The following SLC9A2 variants were observed in gnomAD, a reference collection of about 807,000 sequenced individuals.
The protein encoded by SLC9A2 is sodium/hydrogen exchanger 2.
A neutral mutation model predicts 71.7 loss-of-function variants in SLC9A2; 42 were observed. That is an observed-to-expected ratio of 0.59 (90% CI 0.46 to 0.76). The LOEUF (loss-of-function observed/expected upper bound fraction) is 0.76. Ranked by LOEUF, SLC9A2 falls within the 30% of genes least tolerant of loss-of-function variation. The pLI, the probability that SLC9A2 is intolerant of heterozygous loss-of-function variation, is 0.00. For missense variants in SLC9A2, 829 were observed against 1,017.4 expected, an observed-to-expected ratio of 0.81 and a Z score of 2.52; for synonymous variants, 396 against 392.5, an observed-to-expected ratio of 1.01 and a Z score of -0.10.
At chr2:102,620,809 C>T (rs193273595) in intron 1 of SLC9A2, among the ~76,000 whole-genome samples, 2 of 152,216 alleles carry the variant, frequency 1.3e-5, no homozygotes, top group African/African-American at 2.4e-5. Context: ...GAGGCCCAGA[C>T]GTGAGGATCC....
intron 2 of SLC9A2, among the ~76,000 whole-genome samples, chr2:102,664,234 A>G (rs1186666571): frequency 4.0e-5 from 6 of 151,206 alleles, no homozygotes; most frequent in African/African-American, 1.5e-4. Context: ...TGAGATCAAG[A>G]TCACGCCACT....
Position 102,619,821 on chromosome 2 carries a change from G to T in SLC9A2, c.-28G>T. ...TGAGCGCTCGGAGGGCCAACCGCCG[G>T]TCCCCTTGGCGGCAACCGGCGGCAC... On this transcript the variant is annotated 5_prime_UTR_variant, in exon 1 of 12. Transcript: ENST00000233969. The surrounding 1 kb of genome is among the most constrained non-coding windows in gnomAD (Gnocchi z 4.3). 1 of 1,465,470 alleles carries T rather than the reference G, an allele frequency of 6.8e-7. No homozygotes were observed. Among genetic ancestry groups the T allele is most frequent in the Non-Finnish European group, 9.0e-7 (1 of 1,111,002 alleles). 90.8% of individuals were successfully genotyped at this position (1,465,470 alleles called of 1,614,324 possible). A position where few individuals can be genotyped will look rare whatever the true frequency, so the allele number is the denominator to read the frequency against.
In SLC9A2 at chr2:102,704,502, T is replaced by C. The variant is rs751093089; in HGVS notation, c.1846-42T>C. On this transcript the variant is annotated intron_variant, in intron 9 of 11. Transcript: ENST00000233969. ...ATTTCTGGGGGAAATGATCAGGTTT[T>C]TGTTTTTGTTTTTTAATGTCCTCTA... is the stretch of plus-strand genomic sequence containing the variant. 4.4e-6 allele frequency: 7 copies of C among 1,587,424 alleles called. No individual in the cohort carries two copies. In the South Asian group the frequency reaches 6.7e-5, roughly 15 times the overall value.
chr2:102,619,828 T>G lies in SLC9A2; in HGVS notation c.-21T>G, dbSNP rs770540678. On this transcript the variant is annotated 5_prime_UTR_variant, in exon 1 of 12. Transcript: ENST00000233969. This position sits in a 1 kb window ranked among gnomAD's most constrained non-coding sequence, Gnocchi z 4.3. ...TCGGAGGGCCAACCGCCGGTCCCCTTGGCGGCAACCGGCGGCACCCATGGA... is the reference window on the plus strand; with the variant it reads ...TCGGAGGGCCAACCGCCGGTCCCCTGGGCGGCAACCGGCGGCACCCATGGA... 27 of 1,475,364 alleles carry G rather than the reference T, an allele frequency of 1.8e-5. No homozygotes were observed. Among genetic ancestry groups the G allele is most frequent in the Admixed American group, 7.4e-5 (3 of 40,548 alleles). 91.4% of individuals were successfully genotyped at this position (1,475,364 alleles called of 1,614,324 possible).
chr2:102,664,449 A>G (rs1455292366), intron 2 of SLC9A2, among the ~76,000 whole-genome samples: 2 of 143,464 alleles, frequency 1.4e-5, no homozygotes, highest in African/African-American at 5.7e-5. Flanking sequence ...GCAGATGCAC[A>G]CACACACACA....
intron 1 of SLC9A2, among the ~76,000 whole-genome samples, chr2:102,628,334 A>G (rs747660426): frequency 5.9e-5 from 9 of 152,142 alleles, no homozygotes; most frequent in African/African-American, 1.9e-4. Flanking sequence ...CAACATACCA[A>G]TGATAAAACT....
chr2:102,689,205 G>A lies in SLC9A2; in HGVS notation c.1425+4869G>A, dbSNP rs540020545. Among the ~76,000 whole-genome samples the A allele has an allele frequency of 9.8e-4, 149 of 152,258 alleles. 1 individual carries two copies. Among genetic ancestry groups the A allele is most frequent in the African/African-American group, 3.2e-3 (131 of 41,542 alleles). On this transcript the variant is annotated intron_variant, in intron 5 of 11. Coordinates refer to ENST00000233969, the MANE Select transcript of SLC9A2 (RefSeq NM_003048.6). ...CCCATGGGGGTGACACAAGGGACCCGCGATGGATGTCTGCCCATGTCATGG... is the reference window on the plus strand; with the variant it reads ...CCCATGGGGGTGACACAAGGGACCCACGATGGATGTCTGCCCATGTCATGG...
intron 1 of SLC9A2, among the ~76,000 whole-genome samples, chr2:102,635,266 C>G (rs149671867): frequency 2.0e-4 from 31 of 152,308 alleles, no homozygotes; most frequent in African/African-American, 6.3e-4. Flanking sequence ...TCTTTTCTAT[C>G]TGATTGAAAG....
intron 1 of SLC9A2, among the ~76,000 whole-genome samples, chr2:102,630,917 A>G (rs1317140103): frequency 6.6e-6 from 1 of 151,770 alleles, no homozygotes; most frequent in African/African-American, 2.4e-5. Context: ...GCTAATTCTT[A>G]TATTTATCCA....
intron 10 of SLC9A2, among the ~76,000 whole-genome samples, 180 bp from the exon 11 acceptor site, chr2:102,705,666 T>C (rs1465551772): frequency 6.6e-6 from 1 of 152,110 alleles, no homozygotes; most frequent in Non-Finnish European, 1.5e-5. Flanking sequence ...CTCCATTCCA[T>C]TCTGGAAGGG....
At chr2:102,636,238 G>C (rs1202358531) in intron 1 of SLC9A2, among the ~76,000 whole-genome samples, 1 of 152,208 alleles carries the variant, frequency 6.6e-6, no homozygotes, top group Non-Finnish European at 1.5e-5. Flanking sequence ...TCAGGGAGGA[G>C]GGAAAGGGAA....
chr2:102,626,629 A>C (rs1307263032), intron 1 of SLC9A2, among the ~76,000 whole-genome samples: 1 of 152,208 alleles, frequency 6.6e-6, no homozygotes, highest in Non-Finnish European at 1.5e-5. Context: ...ATCAGAGTGA[A>C]CAGGCAACCT....
In SLC9A2 at chr2:102,708,397, G is replaced by A. The variant is rs1440476231; in HGVS notation, c.2347G>A (p.Glu783Lys). 3.1e-6 allele frequency: 5 copies of A among 1,614,232 alleles called. No individual in the cohort carries two copies. The African/African-American group carries it at 5.3e-5, about 17-fold the overall frequency. Residue 783 changes from glutamate (E) to lysine (K), a missense_variant, in exon 12 of 12, where the codon GAA becomes AAA. This residue lies in a region of SLC9A2 where 223 missense variants were observed against 197.5 expected (regional missense o/e 1.13). Coordinates refer to ENST00000233969, the MANE Select transcript of SLC9A2 (RefSeq NM_003048.6). ...CTCAGAGAGGGAAGACAGTTTGACT[G>A]AAGGCATCCCGCCCAAGCCGCCACC... ...SGSEREDSLT[E>K]GIPPKPPPRL...
At chr2:102,645,289 T>G (rs1676699048) in intron 1 of SLC9A2, among the ~76,000 whole-genome samples, 1 of 151,406 alleles carries the variant, frequency 6.6e-6, no homozygotes. Flanking sequence ...AAAAACCCCA[T>G]CCAAAGGCTA....
At chr2:102,627,921 A>C (rs1366676475) in intron 1 of SLC9A2, among the ~76,000 whole-genome samples, 1 of 152,100 alleles carries the variant, frequency 6.6e-6, no homozygotes, top group Non-Finnish European at 1.5e-5. Context: ...ATTTTTATGA[A>C]TCCCTGAGCT....
intron 2 of SLC9A2, among the ~76,000 whole-genome samples, chr2:102,663,088 C>A (rs1209106687): frequency 6.6e-6 from 1 of 152,198 alleles, no homozygotes; most frequent in Non-Finnish European, 1.5e-5. Context: ...CAGGAAGTAA[C>A]TGTGGCGTGT....
rs191217335 is a variant in SLC9A2, at chr2:102,632,666, T to C, written c.289+12529T>C. On this transcript the variant is annotated intron_variant, in intron 1 of 11. Coordinates refer to ENST00000233969, the MANE Select transcript of SLC9A2 (RefSeq NM_003048.6). The stretch of plus-strand genomic sequence containing the variant: ...GAATTCCACCAAAAGATCTCTGTTA[T>C]GACTGTGACACACATACTTTCCAGG... Among the ~76,000 whole-genome samples, 889 of 152,270 alleles carry C rather than the reference T, an allele frequency of 5.8e-3. 38 individuals are homozygous for C. The highest frequency in any genetic ancestry group is 7.4e-4 in the Non-Finnish European group (50 of 68,022).
At chr2:102,676,639 CA>C (rs536054524) in intron 3 of SLC9A2, among the ~76,000 whole-genome samples, 164 of 152,318 alleles carry the variant, frequency 1.1e-3, no homozygotes, top group African/African-American at 3.6e-3. Flanking sequence ...TCTCATATGT[CA>C]AACTCTGTTT....
At position 102,694,518 on chromosome 2, in the gene SLC9A2, A is replaced by G; in HGVS notation, c.1515+15A>G. On this transcript the variant is annotated intron_variant, in intron 6 of 11. Transcript: ENST00000233969. ...TCTATTGTCGGGTAGGTGTTAAGAG[A>G]GTGTAATAATTTTAATGATAAAGGA... 7.5e-7 allele frequency: 1 copy of G among 1,333,688 alleles called. No homozygotes were observed. Among genetic ancestry groups the G allele is most frequent in the Non-Finnish European group, 1.0e-6 (1 of 964,804 alleles). 82.6% of individuals were successfully genotyped at this position (1,333,688 alleles called of 1,614,324 possible).
Sources: allele counts gnomAD v4.1 joint callset (sites outside exome capture counted in the v4.1 genomes callset), GRCh38; gene constraint gnomAD v4.1.1; regional missense constraint gnomAD v4.1.1; non-coding constraint Gnocchi (gnomAD v3.1); transcripts MANE v1.5; gene names NCBI Gene and HGNC (gene_info 2026-07-23, HGNC 2026-07-21).